The following ZNF516 variants were observed in gnomAD, a reference collection of about 807,000 sequenced individuals.
The protein encoded by ZNF516 is zinc finger protein 516.
A neutral mutation model predicts 79.7 loss-of-function variants in ZNF516; 19 were observed. That is an observed-to-expected ratio of 0.24 (90% CI 0.17 to 0.35). The LOEUF is 0.35. Ranked by LOEUF, ZNF516 falls within the 10% of genes least tolerant of loss-of-function variation. The pLI is 1.00. For missense variants in ZNF516, 1,678 were observed against 1,679.5 expected, an observed-to-expected ratio of 1.00 and a Z score of 0.02; for synonymous variants, 877 against 739.5, an observed-to-expected ratio of 1.19 and a Z score of -3.02.
At chr18:76,464,897 G>T (rs930350907) in intron 1 of ZNF516, among the ~76,000 whole-genome samples, 3 of 152,228 alleles carry the variant, frequency 2.0e-5, no homozygotes, top group Non-Finnish European at 4.4e-5. Context: ...AGCCCAAGTG[G>T]GAATGGATGC....
intron 4 of ZNF516, among the ~76,000 whole-genome samples, chr18:76,377,715 A>ATTTTTTTTTTT (rs1213742643): frequency 2.2e-5 from 3 of 133,630 alleles, no homozygotes; most frequent in Non-Finnish European, 3.2e-5. Context: ...TTACAACGTT[A>ATTTTTTTTTTT]TTTTTTTTTT....
intron 3 of ZNF516, among the ~76,000 whole-genome samples, chr18:76,381,189 G>A (rs141337692): frequency 5.3e-5 from 8 of 152,342 alleles, no homozygotes; most frequent in Non-Finnish European, 1.0e-4. Flanking sequence ...GGCTGTGCTC[G>A]GAGGTTTTAA....
chr18:76,447,551 T>A (rs1055651008), intron 2 of ZNF516, among the ~76,000 whole-genome samples: 1 of 152,214 alleles, frequency 6.6e-6, no homozygotes, highest in Admixed American at 6.5e-5. Context: ...ATAAAACTTG[T>A]GCATGTGAGC....
In ZNF516 at chr18:76,460,564, G is replaced by C. The variant is rs1913036942; in HGVS notation, c.-158+2464C>G. Among the ~76,000 whole-genome samples, 3 of 152,116 alleles carry C rather than the reference G, an allele frequency of 2.0e-5. No homozygotes were observed. In the South Asian group the frequency reaches 6.2e-4, roughly 31 times the overall value. On this transcript the variant is annotated intron_variant, in intron 2 of 6. Coordinates refer to ENST00000443185, the MANE Select transcript of ZNF516 (RefSeq NM_014643.4). The stretch of plus-strand genomic sequence containing the variant: ...AGAGGCCACACCATCCTGAGCAGCT[G>C]GCAAGTCGGCCACTGACCAGTAAAA...
chr18:76,486,184 A>T (rs1245797659), intron 1 of ZNF516, among the ~76,000 whole-genome samples: 1 of 152,252 alleles, frequency 6.6e-6, no homozygotes, highest in Non-Finnish European at 1.5e-5. Flanking sequence ...CAACTGAGAA[A>T]GAATCTGCTA....
intron 2 of ZNF516, among the ~76,000 whole-genome samples, chr18:76,448,593 G>T (rs1912205205): frequency 6.6e-6 from 1 of 152,136 alleles, no homozygotes; most frequent in Non-Finnish European, 1.5e-5. Context: ...AAAGCCAGGG[G>T]GTATGTACAG....
intron 1 of ZNF516, among the ~76,000 whole-genome samples, chr18:76,491,408 GCCCGCCCCGCCCGCC>G (rs1406459696): frequency 1.6e-5 from 1 of 63,716 alleles, no homozygotes; most frequent in Non-Finnish European, 3.2e-5. Flanking sequence ...GGCTCCCCCC[GCCCGCCCCGCCCGCC>G]CCCGCCCCCC....
chr18:76,413,053 G>A (rs2075390588), intron 3 of ZNF516, among the ~76,000 whole-genome samples: 2 of 152,342 alleles, frequency 1.3e-5, no homozygotes, highest in Non-Finnish European at 1.5e-5. Flanking sequence ...CTGAAACCAA[G>A]GCCTCTGTGA....
At chr18:76,488,056 C>CA (rs1383639922) in intron 1 of ZNF516, 1 of 985,272 alleles carries the variant, frequency 1.0e-6, no homozygotes, top group Non-Finnish European at 1.2e-6. Context: ...CCACAGCCCC[C>CA]ACCTCCATCT....
intron 2 of ZNF516, among the ~76,000 whole-genome samples, chr18:76,449,085 C>A (rs1315230618): frequency 6.6e-6 from 1 of 152,148 alleles, no homozygotes; most frequent in Non-Finnish European, 1.5e-5. Context: ...GTAATAACCC[C>A]ACATCCTGTC....
chr18:76,364,416 G>A (rs183238806), intron 6 of ZNF516, among the ~76,000 whole-genome samples: 1 of 152,204 alleles, frequency 6.6e-6, no homozygotes, highest in Admixed American at 6.5e-5. Context: ...TTTTGAGCAC[G>A]CCCACCATCG....
intron 2 of ZNF516, among the ~76,000 whole-genome samples, chr18:76,458,924 A>G (rs1483112713): frequency 6.6e-6 from 1 of 152,114 alleles, no homozygotes; most frequent in Non-Finnish European, 1.5e-5. Context: ...TGTGACAGTG[A>G]GTGTGGAAGC....
At chr18:76,385,393 C>T (rs771122373) in intron 3 of ZNF516, among the ~76,000 whole-genome samples, 25 of 152,208 alleles carry the variant, frequency 1.6e-4, no homozygotes, top group African/African-American at 2.7e-4. Context: ...CACACACAAC[C>T]GCCCTCAAAA....
chr18:76,483,524 A>G (rs1914651796), intron 1 of ZNF516, among the ~76,000 whole-genome samples: 1 of 151,970 alleles, frequency 6.6e-6, no homozygotes, highest in Admixed American at 6.6e-5. Context: ...CATCTGCCGC[A>G]CCACACTGAG....
chr18:76,390,111 G>A (rs564845760), intron 3 of ZNF516, among the ~76,000 whole-genome samples: 3 of 152,262 alleles, frequency 2.0e-5, no homozygotes, highest in Non-Finnish European at 2.9e-5. Context: ...TACACAAAAC[G>A]TCCTGACGGG....
intron 3 of ZNF516, among the ~76,000 whole-genome samples, chr18:76,414,073 CT>C (rs1269032882): frequency 6.6e-6 from 1 of 152,168 alleles, no homozygotes; most frequent in Non-Finnish European, 1.5e-5. Flanking sequence ...TACTCAAAAA[CT>C]TCACTTTAAA....
intron 4 of ZNF516, among the ~76,000 whole-genome samples, chr18:76,377,056 G>A (rs533331827): frequency 3.9e-5 from 6 of 152,334 alleles, no homozygotes; most frequent in South Asian, 2.1e-4. Context: ...AATAATCTAC[G>A]TGACTGAGAA....
At chr18:76,477,620 T>C (rs1020784977) in intron 1 of ZNF516, among the ~76,000 whole-genome samples, 3 of 152,190 alleles carry the variant, frequency 2.0e-5, no homozygotes, top group Admixed American at 1.3e-4. Flanking sequence ...TGCAATTTTA[T>C]ACTTTAAATC....
chr18:76,375,073 C>G (rs1254252045), intron 4 of ZNF516, among the ~76,000 whole-genome samples: 1 of 152,158 alleles, frequency 6.6e-6, no homozygotes, highest in Non-Finnish European at 1.5e-5. Context: ...AAAAGGAAAT[C>G]CAGGCTGCAC....
Sources: gnomAD v4.1 joint callset for allele counts (sites outside exome capture counted in the v4.1 genomes callset) on GRCh38, gnomAD v4.1.1 for gene constraint, MANE v1.5 for transcripts, NCBI Gene and HGNC (gene_info 2026-07-23, HGNC 2026-07-21) for gene names.